Variants in SLC24A2 observed in about 807,000 individuals in gnomAD.
SLC24A2 encodes solute carrier family 24 member 2.
A neutral mutation model predicts 62.0 loss-of-function variants in SLC24A2; 36 were observed. That is an observed-to-expected ratio of 0.58 (90% confidence interval 0.44 to 0.77). The LOEUF (loss-of-function observed/expected upper bound fraction) is 0.77. Among genes scored for constraint, SLC24A2 ranks in the 30% least tolerant of loss-of-function variants. SLC24A2 has a pLI of 0.00. For synonymous variants in SLC24A2, 358 were observed against 294.0 expected (o/e 1.22, Z -2.23); for missense variants, 846 against 817.9 (o/e 1.03, Z -0.42).
the SLC24A2 span, among the ~76,000 whole-genome samples, chr9:19,872,870 A>G: frequency 6.6e-6 from 1 of 152,126 alleles, no homozygotes; most frequent in African/African-American, 2.4e-5. Flanking sequence ...GAGAAGAATC[A>G]AGTTTCCAGA....
chr9:19,568,003 G>C (rs893287379), intron 7 of SLC24A2, among the ~76,000 whole-genome samples: 1 of 152,168 alleles, frequency 6.6e-6, no homozygotes, highest in Admixed American at 6.5e-5. Context: ...TAAAACAGCA[G>C]GTTAATTACA....
intron 4 of SLC24A2, among the ~76,000 whole-genome samples, chr9:19,598,151 T>C (rs1836752886): frequency 6.6e-6 from 1 of 152,236 alleles, no homozygotes; most frequent in African/African-American, 2.4e-5. Context: ...TTATCCTTGT[T>C]TGTCTGAAAA....
the SLC24A2 span, among the ~76,000 whole-genome samples, chr9:20,155,449 T>C: frequency 2.0e-5 from 3 of 151,838 alleles, no homozygotes; most frequent in African/African-American, 7.2e-5. Flanking sequence ...GAAGAGATCA[T>C]TTATTTTTTG....
At chr9:19,610,179 GA>G (rs966422836) in intron 4 of SLC24A2, among the ~76,000 whole-genome samples, 1 of 151,328 alleles carries the variant, frequency 6.6e-6, no homozygotes, top group African/African-American at 2.4e-5. Flanking sequence ...TTGTTACAAT[GA>G]AAAAATGTAA....
chr9:19,878,537 G>A, the SLC24A2 span, among the ~76,000 whole-genome samples: 1 of 152,148 alleles, frequency 6.6e-6, no homozygotes, highest in African/African-American at 2.4e-5. Flanking sequence ...ATGTAGAATT[G>A]TAATTCCCAC....
At chr9:19,546,435 C>T (rs1211070180) in intron 8 of SLC24A2, among the ~76,000 whole-genome samples, 2 of 152,124 alleles carry the variant, frequency 1.3e-5, no homozygotes, top group South Asian at 4.2e-4. Context: ...CCTTGCTGAG[C>T]TGCAGTGGGC....
chr9:19,803,940 T>C, the SLC24A2 span, among the ~76,000 whole-genome samples: 4 of 152,296 alleles, frequency 2.6e-5, no homozygotes, highest in South Asian at 2.1e-4. Context: ...CTCTTGTTTT[T>C]AGTGATGAAA....
At chr9:19,801,219 G>A in the SLC24A2 span, among the ~76,000 whole-genome samples, 2 of 152,196 alleles carry the variant, frequency 1.3e-5, no homozygotes, top group African/African-American at 2.4e-5. Context: ...TCTATTAGAA[G>A]CCCTGGGTCA....
intron 2 of SLC24A2, among the ~76,000 whole-genome samples, chr9:19,710,305 G>C (rs1218578159): frequency 1.3e-5 from 2 of 152,132 alleles, no homozygotes; most frequent in African/African-American, 4.8e-5. Context: ...CAGGTAAGGG[G>C]ACATAACCAA....
At chr9:19,819,574 A>G in the SLC24A2 span, among the ~76,000 whole-genome samples, 1 of 152,124 alleles carries the variant, frequency 6.6e-6, no homozygotes, top group Non-Finnish European at 1.5e-5. Flanking sequence ...TCTCAAAAGA[A>G]GATATACAAA....
the SLC24A2 span, among the ~76,000 whole-genome samples, chr9:19,834,150 ACT>A: frequency 6.6e-6 from 1 of 152,102 alleles, no homozygotes; most frequent in African/African-American, 2.4e-5. Context: ...AAAACTGGAA[ACT>A]CTAAAAATCA....
At chr9:19,647,550 C>T (rs1818679541) in intron 2 of SLC24A2, among the ~76,000 whole-genome samples, 1 of 152,082 alleles carries the variant, frequency 6.6e-6, no homozygotes, top group Admixed American at 6.5e-5. Context: ...CTTAGCAATG[C>T]CATGGAGGGG....
chr9:19,899,241 G>T, the SLC24A2 span, among the ~76,000 whole-genome samples: 5 of 152,232 alleles, frequency 3.3e-5, no homozygotes, highest in African/African-American at 1.2e-4. Context: ...AAGAGAGAAA[G>T]GGGAAATTGC....
chr9:20,276,287 A>G, the SLC24A2 span, among the ~76,000 whole-genome samples: 1 of 152,208 alleles, frequency 6.6e-6, no homozygotes, highest in African/African-American at 2.4e-5. Context: ...CAAATGGGAG[A>G]AATTGGCCAA....
chr9:19,611,506 G>C (rs981756496), intron 4 of SLC24A2, among the ~76,000 whole-genome samples: 18 of 151,928 alleles, frequency 1.2e-4, no homozygotes, highest in African/African-American at 4.4e-4. Flanking sequence ...GAGGTAGAGT[G>C]GGAAGTTGCA....
intron 2 of SLC24A2, among the ~76,000 whole-genome samples, chr9:19,629,141 G>C (rs1818110466): frequency 6.6e-6 from 1 of 152,062 alleles, no homozygotes; most frequent in South Asian, 2.1e-4. Context: ...GATGGAGTTG[G>C]ACAATTTTTC....
the SLC24A2 span, among the ~76,000 whole-genome samples, chr9:20,214,665 T>A: frequency 6.6e-6 from 1 of 152,152 alleles, no homozygotes; most frequent in Non-Finnish European, 1.5e-5. Flanking sequence ...AATCTCATGT[T>A]AAGTATTCTT....
chr9:19,921,696 T>G, the SLC24A2 span, among the ~76,000 whole-genome samples: 6 of 152,026 alleles, frequency 3.9e-5, no homozygotes, highest in Non-Finnish European at 7.4e-5. Flanking sequence ...TCGGTAAAGT[T>G]TAGCTGAGGG....
At chr9:19,520,536 G>T (rs1246054660) in intron 10 of SLC24A2, among the ~76,000 whole-genome samples, 1 of 152,150 alleles carries the variant, frequency 6.6e-6, no homozygotes, top group Non-Finnish European at 1.5e-5. Context: ...CCTTAGGCTG[G>T]TGGGGACTTT....
Sources: allele counts gnomAD v4.1 joint callset (sites outside exome capture counted in the v4.1 genomes callset), GRCh38; gene constraint gnomAD v4.1.1; transcripts MANE v1.5; gene names NCBI Gene and HGNC (gene_info 2026-07-23, HGNC 2026-07-21).